Variants in ADARB2 observed in about 807,000 individuals in gnomAD.
The protein encoded by ADARB2 is adenosine deaminase RNA specific B2 (inactive).
A neutral mutation model predicts 62.2 loss-of-function variants in ADARB2; 25 were observed. The observed-to-expected ratio is 0.40, with a 90% CI of 0.29 to 0.56. The LOEUF is 0.56. Among genes scored for constraint, ADARB2 ranks in the 20% least tolerant of loss-of-function variants. The pLI is 0.43. For missense variants in ADARB2, 1,071 were observed against 1,077.4 expected (o/e 0.99, Z 0.08); for synonymous variants, 572 against 500.8 (o/e 1.14, Z -1.90).
At chr10:1,481,413 C>T (rs1029539591) in intron 1 of ADARB2, among the ~76,000 whole-genome samples, 9 of 152,156 alleles carry the variant, frequency 5.9e-5, no homozygotes, top group African/African-American at 2.2e-4. Context: ...CTTGGAATGA[C>T]ACCAAAAGCA....
In ADARB2 at chr10:1,307,835, A is replaced by C. The variant is rs1234816931; in HGVS notation, c.1078-36766T>G. On this transcript the variant is annotated intron_variant, in intron 3 of 9. Coordinates refer to ENST00000381312, the MANE Select transcript of ADARB2 (RefSeq NM_018702.4). ...CTCAGTAAACTATCGCAAGAACAAA[A>C]AACCAAACACCGCATATTCTCACTC... is the stretch of plus-strand genomic sequence containing the variant. 1.4e-3 allele frequency among the ~76,000 whole-genome samples: 175 copies of C among 125,586 alleles called. 1 individual carries two copies. The highest frequency in any genetic ancestry group is 4.9e-3 in the African/African-American group (167 of 34,336). 82.4% of individuals were successfully genotyped at this position (125,586 alleles called of 152,430 possible).
chr10:1,639,897 A>C (rs10903517), intron 1 of ADARB2, among the ~76,000 whole-genome samples: 42,784 of 149,970 alleles, frequency 0.29, 7,183 homozygotes, highest in East Asian at 0.42. Flanking sequence ...AACAAACAAA[A>C]ACATGAAGAG....
chr10:1,527,920 A>G (rs1746162456), intron 1 of ADARB2, among the ~76,000 whole-genome samples: 1 of 152,238 alleles, frequency 6.6e-6, no homozygotes. Context: ...GCACAAATTA[A>G]AATTATTCAC....
chr10:1,717,343 G>T (rs1835032544), intron 1 of ADARB2, among the ~76,000 whole-genome samples: 1 of 151,396 alleles, frequency 6.6e-6, no homozygotes, highest in African/African-American at 2.4e-5. Context: ...AGCTGGGCCT[G>T]TGTCAGTGAC....
At chr10:1,724,404 G>T (rs546321366) in intron 1 of ADARB2, among the ~76,000 whole-genome samples, 1 of 152,228 alleles carries the variant, frequency 6.6e-6, no homozygotes, top group Admixed American at 6.5e-5. Context: ...TCCCTGAGAG[G>T]TCAGGGCACA....
At position 1,650,882 on chromosome 10, in the gene ADARB2, G is replaced by A. The variant is rs114236849; in HGVS notation, c.100+86169C>T. 3.8e-3 allele frequency among the ~76,000 whole-genome samples: 582 copies of A among 152,244 alleles called. 3 individuals carry two copies. Among genetic ancestry groups the A allele is most frequent in the African/African-American group, 0.013 (546 of 41,550 alleles). On this transcript the variant is annotated intron_variant, in intron 1 of 9. Coordinates refer to ENST00000381312, the MANE Select transcript of ADARB2 (RefSeq NM_018702.4). Reference sequence around the variant, plus strand: ...GATGTAGCACGGTCACCAAAACCCCGCGTGTCCGAGATGGTGGAGCAGCTT... The same window carrying A: ...GATGTAGCACGGTCACCAAAACCCCACGTGTCCGAGATGGTGGAGCAGCTT...
chr10:1,464,226 A>C (rs11250540), intron 1 of ADARB2, among the ~76,000 whole-genome samples: 554 of 30,952 alleles, frequency 0.018, 1 homozygote, highest in Middle Eastern at 0.062. Context: ...CGCGCTGGGG[A>C]CAGTCACAGC....
At chr10:1,719,648 A>G (rs948332801) in intron 1 of ADARB2, among the ~76,000 whole-genome samples, 2 of 152,256 alleles carry the variant, frequency 1.3e-5, no homozygotes, top group African/African-American at 4.8e-5. Flanking sequence ...CAAACCATGT[A>G]TCTGACAAAG....
intron 2 of ADARB2, among the ~76,000 whole-genome samples, chr10:1,368,576 A>G (rs1169975486): frequency 6.6e-6 from 1 of 151,882 alleles, no homozygotes; most frequent in African/African-American, 2.4e-5. Flanking sequence ...TCCCTCCTTG[A>G]GAGGAGTTTT....
chr10:1,687,029 C>CTTTTTTTTTTTTTTTT (rs397952487), intron 1 of ADARB2, among the ~76,000 whole-genome samples: 1 of 129,004 alleles, frequency 7.8e-6, no homozygotes. Context: ...ATGACATTGC[C>CTTTTTTTTTTTTTTTT]TTTTTTTTTT....
At chr10:1,718,992 T>TGTA (rs1835055839) in intron 1 of ADARB2, among the ~76,000 whole-genome samples, 1 of 152,212 alleles carries the variant, frequency 6.6e-6, no homozygotes, top group African/African-American at 2.4e-5. Context: ...TTGTTGTTGT[T>TGTA]GTTTTTTGAG....
At chr10:1,522,236 G>GTAGC (rs542562267) in intron 1 of ADARB2, among the ~76,000 whole-genome samples, 160 of 152,300 alleles carry the variant, frequency 1.1e-3, no homozygotes, top group African/African-American at 3.7e-3. Flanking sequence ...CACGTTTGAA[G>GTAGC]TAGCTGCTAG....
chr10:1,206,015 C>T (rs778112480), intron 7 of ADARB2, among the ~76,000 whole-genome samples: 5 of 147,540 alleles, frequency 3.4e-5, no homozygotes, highest in African/African-American at 1.0e-4. Context: ...AGGTGGTTCA[C>T]GGGGCAGCTG....
At chr10:1,672,262 C>A (rs1834395835) in intron 1 of ADARB2, among the ~76,000 whole-genome samples, 1 of 152,190 alleles carries the variant, frequency 6.6e-6, no homozygotes, top group Admixed American at 6.5e-5. Context: ...GGACTGCGGG[C>A]TGCCCAGGGA....
intron 1 of ADARB2, among the ~76,000 whole-genome samples, chr10:1,434,145 G>A (rs553642550): frequency 6.6e-6 from 1 of 152,252 alleles, no homozygotes; most frequent in South Asian, 2.1e-4. Flanking sequence ...CTGATAACGA[G>A]AGATTTAAAA....
chr10:1,686,449 A>G (rs1564367604), intron 1 of ADARB2, among the ~76,000 whole-genome samples: 1 of 152,248 alleles, frequency 6.6e-6, no homozygotes, highest in East Asian at 1.9e-4. Flanking sequence ...GAAACTGATG[A>G]GCAGTTAATT....
chr10:1,542,969 T>A (rs1390484175), intron 1 of ADARB2, among the ~76,000 whole-genome samples: 3 of 152,266 alleles, frequency 2.0e-5, no homozygotes, highest in African/African-American at 7.2e-5. Context: ...GGACCCTGGA[T>A]CACAGCTGTC....
intron 6 of ADARB2, among the ~76,000 whole-genome samples, chr10:1,220,478 C>T (rs1457988027): frequency 6.6e-6 from 1 of 151,900 alleles, no homozygotes; most frequent in Non-Finnish European, 1.5e-5. Context: ...TGACTCAAAA[C>T]ACTTGGTTTA....
At chr10:1,509,996 CTTTCTTTCT>C (rs1476226761) in intron 1 of ADARB2, among the ~76,000 whole-genome samples, 7 of 151,776 alleles carry the variant, frequency 4.6e-5, no homozygotes, top group African/African-American at 1.5e-4. Flanking sequence ...TTCTTTTTCT[CTTTCTTTCT>C]TTTCTTTCTT....
Sources: allele counts gnomAD v4.1 joint callset (sites outside exome capture counted in the v4.1 genomes callset), GRCh38; gene constraint gnomAD v4.1.1; transcripts MANE v1.5; gene names NCBI Gene and HGNC (gene_info 2026-07-23, HGNC 2026-07-21).